The following TBC1D4 variants were observed in gnomAD, a reference collection of about 807,000 sequenced individuals.
TBC1D4 encodes the protein TBC (Tre-2, BUB2, CDC16) domain-containing protein.
A neutral mutation model predicts 142.5 loss-of-function variants in TBC1D4; 121 were observed. The observed-to-expected ratio is 0.85, with a 90% CI of 0.73 to 0.99. The LOEUF (loss-of-function observed/expected upper bound fraction) is 0.99, where lower values mean the gene tolerates loss of function less well. Among genes scored for constraint, TBC1D4 ranks in the 50% least tolerant of loss-of-function variants. TBC1D4 has a pLI of 0.00. For missense variants in TBC1D4, 1,475 were observed against 1,606.6 expected, an observed-to-expected ratio of 0.92 and a Z score of 1.40; for synonymous variants, 630 against 628.2, an observed-to-expected ratio of 1.00 and a Z score of -0.04.
Position 75,294,962 on chromosome 13 carries a change from A to G in TBC1D4, c.3208T>C (p.Tyr1070His), listed in dbSNP as rs1566344923. The G allele has an allele frequency of 1.9e-6, 3 of 1,613,680 alleles. No homozygotes were observed. Among genetic ancestry groups the G allele is most frequent in the Admixed American group, 3.3e-5 (2 of 60,012 alleles). ...ATTTCATTTTCTTCAAGGTGATTGT[A>G]GAGATCTCTGTGATAGTCATGAAGG... is the stretch of plus-strand genomic sequence containing the variant. Reference protein sequence around the residue: ...RLLHDYHRDLYNHLEENEISP... With the variant: ...RLLHDYHRDLHNHLEENEISP... The change falls in exon 18 of 21, where the codon TAC (tyrosine) becomes CAC (histidine). Residue 1070 changes from tyrosine to histidine, a missense_variant. Around this residue, in one of 2 missense-constraint regions of TBC1D4, gnomAD observed 248 missense variants for 338.9 expected, o/e 0.73. Transcript: ENST00000377636.
intron 1 of TBC1D4, among the ~76,000 whole-genome samples, chr13:75,474,638 A>G (rs1888559102): frequency 8.1e-6 from 1 of 124,110 alleles, no homozygotes; most frequent in South Asian, 3.1e-4. Context: ...TTGGAGAAAT[A>G]ATTTAACCTT....
At chr13:75,379,735 T>C (rs1214308611) in intron 1 of TBC1D4, among the ~76,000 whole-genome samples, 1 of 152,082 alleles carries the variant, frequency 6.6e-6, no homozygotes, top group East Asian at 1.9e-4. Flanking sequence ...ATTATCAGTC[T>C]CAAAGAGAGC....
At chr13:75,476,929 A>C (rs561864807) in intron 1 of TBC1D4, among the ~76,000 whole-genome samples, 1 of 152,306 alleles carries the variant, frequency 6.6e-6, no homozygotes, top group Non-Finnish European at 1.5e-5. Flanking sequence ...CTGATAATCA[A>C]GCCCTGACAC....
chr13:75,311,696 G>A (rs1316365950), intron 13 of TBC1D4, among the ~76,000 whole-genome samples: 2 of 152,038 alleles, frequency 1.3e-5, no homozygotes, highest in African/African-American at 4.8e-5. Flanking sequence ...CCAAACACAT[G>A]TCATTCTACT....
intron 1 of TBC1D4, among the ~76,000 whole-genome samples, chr13:75,363,064 A>G (rs952845692): frequency 2.0e-5 from 3 of 152,318 alleles, no homozygotes; most frequent in Non-Finnish European, 4.4e-5. Context: ...TAAAACCACA[A>G]TAAGATACCA....
At chr13:75,407,341 A>G (rs1253272656) in intron 1 of TBC1D4, among the ~76,000 whole-genome samples, 2 of 152,242 alleles carry the variant, frequency 1.3e-5, no homozygotes, top group African/African-American at 4.8e-5. Flanking sequence ...TGTTTTTGTC[A>G]GATCAATTCC....
At position 75,358,227 on chromosome 13, in the gene TBC1D4, T is replaced by G. The variant is rs148955535; in HGVS notation, c.1170+1542A>C. Among the ~76,000 whole-genome samples, 1,145 of 152,260 alleles carry G rather than the reference T, an allele frequency of 7.5e-3. 13 individuals are homozygous for G. The highest frequency in any genetic ancestry group is 0.041 in the South Asian group (196 of 4,824). On this transcript the variant is annotated intron_variant, in intron 3 of 20. Transcript: ENST00000377636. ...TTGAACACCTCAGGGTTAAGCTCTG[T>G]CTTAGTACATCTGACTCTGATGTGC... is the stretch of plus-strand genomic sequence containing the variant.
intron 5 of TBC1D4, among the ~76,000 whole-genome samples, chr13:75,341,933 G>A (rs572285669): frequency 6.6e-6 from 1 of 152,220 alleles, no homozygotes; most frequent in South Asian, 2.1e-4. Flanking sequence ...CTGCACAGTG[G>A]TTTAAAACAG....
intron 15 of TBC1D4, 170 bp from the exon 16 acceptor site, chr13:75,302,571 T>C (rs1306676396): frequency 2.9e-5 from 21 of 724,262 alleles, no homozygotes; most frequent in Non-Finnish European, 4.2e-5. Flanking sequence ...CTGAATCCTA[T>C]AGCTCTTGAT....
At chr13:75,438,679 T>C (rs1259196349) in intron 1 of TBC1D4, among the ~76,000 whole-genome samples, 1 of 152,198 alleles carries the variant, frequency 6.6e-6, no homozygotes, top group African/African-American at 2.4e-5. Context: ...TGCAGAAACA[T>C]GGTGTGTCTC....
At chr13:75,456,112 C>G (rs1423907914) in intron 1 of TBC1D4, among the ~76,000 whole-genome samples, 1 of 151,924 alleles carries the variant, frequency 6.6e-6, no homozygotes, top group African/African-American at 2.4e-5. Flanking sequence ...TAGGCATGCA[C>G]CACTCCCAGC....
chr13:75,474,176 T>G (rs1888533389), intron 1 of TBC1D4, among the ~76,000 whole-genome samples: 1 of 152,240 alleles, frequency 6.6e-6, no homozygotes, highest in African/African-American at 2.4e-5. Context: ...TGTGGAGATT[T>G]TTAATATGAG....
chr13:75,436,904 C>G (rs1032898332), intron 1 of TBC1D4, among the ~76,000 whole-genome samples: 1 of 152,136 alleles, frequency 6.6e-6, no homozygotes, highest in Admixed American at 6.6e-5. Flanking sequence ...TCTCATGCCT[C>G]CTGGTAAAAT....
At chr13:75,442,779 GA>G (rs545872938) in intron 1 of TBC1D4, among the ~76,000 whole-genome samples, 130 of 133,398 alleles carry the variant, frequency 9.7e-4, no homozygotes, top group Admixed American at 1.2e-3. Flanking sequence ...CTCGGTTTCG[GA>G]AAAAAAAAAA....
chr13:75,360,101 T>TACAA lies in TBC1D4; in HGVS notation c.1081-247_1081-244dup, dbSNP rs10623422. Among the ~76,000 whole-genome samples, 110,678 of 151,592 alleles carry TACAA rather than the reference T, an allele frequency of 0.73. 40,918 individuals are homozygous for TACAA. The highest frequency in any genetic ancestry group is 0.86 in the East Asian group (4,432 of 5,168). On this transcript the variant is annotated intron_variant, in intron 2 of 20. Coordinates refer to ENST00000377636, the MANE Select transcript of TBC1D4 (RefSeq NM_014832.5). ...AAGTTAGTCTTCAATTATTATAAGA[T>TACAA]ACAAATATTTTTCAGATTAGAAACA...
At chr13:75,388,076 T>C (rs1185294904) in intron 1 of TBC1D4, among the ~76,000 whole-genome samples, 2 of 152,212 alleles carry the variant, frequency 1.3e-5, no homozygotes, top group African/African-American at 4.8e-5. Flanking sequence ...GGCCCCCTTC[T>C]TCCACCTGCA....
chr13:75,400,000 G>A (rs1293080016), intron 1 of TBC1D4, among the ~76,000 whole-genome samples: 1 of 152,096 alleles, frequency 6.6e-6, no homozygotes, highest in East Asian at 1.9e-4. Context: ...AAGGTCAGCC[G>A]AGGCACCACC....
chr13:75,362,336 A>ACCTCCAAGTCAG lies in TBC1D4; in HGVS notation c.758_769dup (p.Ala253_Glu256dup). 6.2e-7 allele frequency: 1 copy of ACCTCCAAGTCAG among 1,613,948 alleles called. No homozygotes were observed. The highest frequency in any genetic ancestry group is 1.1e-5 in the South Asian group (1 of 91,074). On this transcript the variant is annotated inframe_insertion, in exon 2 of 21. Transcript: ENST00000377636. The surrounding 1 kb of genome is among the most constrained non-coding windows in gnomAD (Gnocchi z 4.2). The stretch of plus-strand genomic sequence containing the variant: ...GTCTCCGGGGGACCCGGGCACCACC[A>ACCTCCAAGTCAG]CCTCCAAGTCAGCCAGGTCCTCTCC...
chr13:75,347,549 T>TA (rs548176864), intron 5 of TBC1D4, among the ~76,000 whole-genome samples: 1 of 152,242 alleles, frequency 6.6e-6, no homozygotes, highest in Non-Finnish European at 1.5e-5. Context: ...GAAATAAGAA[T>TA]ACTCTTCTTG....
Sources: allele counts gnomAD v4.1 joint callset (sites outside exome capture counted in the v4.1 genomes callset), GRCh38; gene constraint gnomAD v4.1.1; regional missense constraint gnomAD v4.1.1; non-coding constraint Gnocchi (gnomAD v3.1); transcripts MANE v1.5; gene names NCBI Gene and HGNC (gene_info 2026-07-23, HGNC 2026-07-21).